The following CELF2 variants were observed in gnomAD, a reference collection of about 807,000 sequenced individuals.
CELF2 encodes the protein CUG triplet repeat RNA-binding protein 2.
In CELF2, 8 loss-of-function variants were observed where a neutral mutation model predicts 62.6. The ratio of observed to expected loss-of-function variants is 0.13; its 90% CI spans 0.07 to 0.23. The LOEUF is 0.23. Ranked by LOEUF, CELF2 falls within the 10% of genes least tolerant of loss-of-function variation. The probability of loss-of-function intolerance (pLI) is 1.00; values close to 1 mark genes in which losing one functional copy is unlikely to be tolerated. For missense variants in CELF2, 333 were observed against 671.0 expected (o/e 0.50, Z 5.56); for synonymous variants, 258 against 250.0 (o/e 1.03, Z -0.30).
intron 2 of CELF2, among the ~76,000 whole-genome samples, chr10:11,195,069 C>T (rs6602481): frequency 0.65 from 98,313 of 152,064 alleles, 32,548 homozygotes; most frequent in Non-Finnish European, 0.7. Context: ...GAAGGAGCTT[C>T]TGAATGCCCT....
chr10:11,245,386 T>C (rs776423950), intron 3 of CELF2, among the ~76,000 whole-genome samples: 1 of 152,234 alleles, frequency 6.6e-6, no homozygotes, highest in African/African-American at 2.4e-5. Flanking sequence ...CCATTATTAA[T>C]ACAGTCCTGA....
chr10:10,464,967 T>G, the CELF2 span, among the ~76,000 whole-genome samples: 1 of 152,172 alleles, frequency 6.6e-6, no homozygotes, highest in South Asian at 2.1e-4. Context: ...AGAGAAAAAT[T>G]TCTTAACAAT....
the CELF2 span, among the ~76,000 whole-genome samples, chr10:10,704,148 A>G: frequency 6.6e-6 from 1 of 152,194 alleles, no homozygotes. Context: ...CTTGAGTCCT[A>G]GAGTGAGATT....
At chr10:10,823,238 A>C (rs553812459) in intron 1 of CELF2, among the ~76,000 whole-genome samples, 1 of 152,372 alleles carries the variant, frequency 6.6e-6, no homozygotes, top group South Asian at 2.1e-4. Context: ...TATAAATATA[A>C]ATTCATAGTG....
intron 2 of CELF2, among the ~76,000 whole-genome samples, chr10:10,977,416 A>G (rs1299205982): frequency 6.6e-6 from 1 of 152,226 alleles, no homozygotes; most frequent in Non-Finnish European, 1.5e-5. Context: ...CATTGTTGAC[A>G]TCTGGCAGGT....
the CELF2 span, among the ~76,000 whole-genome samples, chr10:10,556,214 G>GAT: frequency 6.6e-6 from 1 of 151,816 alleles, no homozygotes; most frequent in Admixed American, 6.6e-5. Flanking sequence ...CCCAGAGTGT[G>GAT]ATATTCCGCT....
the CELF2 span, among the ~76,000 whole-genome samples, chr10:10,480,895 A>G: frequency 1.3e-5 from 2 of 152,304 alleles, no homozygotes; most frequent in South Asian, 2.1e-4. Context: ...ACACTGCAGT[A>G]TCATTCACAT....
intron 1 of CELF2, among the ~76,000 whole-genome samples, chr10:11,133,580 A>G (rs774983656): frequency 1.3e-5 from 2 of 152,314 alleles, no homozygotes; most frequent in Admixed American, 6.5e-5. Flanking sequence ...ACAAACATCA[A>G]TACTTAAAAA....
Position 11,285,080 on chromosome 10 carries a change from TGATG to T in CELF2, c.842-3324_842-3321del, listed in dbSNP as rs1031290005. On this transcript the variant is annotated intron_variant, in intron 8 of 12. Coordinates refer to ENST00000633077, the MANE Select transcript of CELF2 (RefSeq NM_001326342.2). This position sits in a 1 kb window ranked among gnomAD's most constrained non-coding sequence, Gnocchi z 4.3. ...TGGATAGTTGGGTGGTTACGCGGAA[TGATG>T]GATGGATGGATGGGTGGGTGGGTGG... Among the ~76,000 whole-genome samples, 46 of 141,294 alleles carry T rather than the reference TGATG, an allele frequency of 3.3e-4. No individual in the cohort carries two copies. Among genetic ancestry groups the T allele is most frequent in the East Asian group, 2.6e-3 (12 of 4,596 alleles). 92.7% of individuals were successfully genotyped at this position (141,294 alleles called of 152,430 possible). A position where few individuals can be genotyped will look rare whatever the true frequency, so the allele number is the denominator to read the frequency against.
At chr10:11,151,132 C>T (rs993518969) in intron 1 of CELF2, among the ~76,000 whole-genome samples, 16 of 152,330 alleles carry the variant, frequency 1.1e-4, no homozygotes, top group African/African-American at 3.6e-4. Flanking sequence ...TGTTTCCCCA[C>T]CCAGTTTTTA....
At chr10:11,295,309 C>T (rs1487523671) in intron 9 of CELF2, among the ~76,000 whole-genome samples, 1 of 152,186 alleles carries the variant, frequency 6.6e-6, no homozygotes, top group South Asian at 2.1e-4. Context: ...ATGAAGATTC[C>T]TACCTGCATG....
chr10:10,805,745 TAG>T (rs1322975574), intron 1 of CELF2, among the ~76,000 whole-genome samples: 3 of 152,290 alleles, frequency 2.0e-5, no homozygotes, highest in Admixed American at 6.5e-5. Context: ...AGTTTGATCA[TAG>T]AGAGAGTCTT....
the CELF2 span, among the ~76,000 whole-genome samples, chr10:10,500,520 A>ACTGGTTCTC: frequency 2.6e-5 from 4 of 152,130 alleles, no homozygotes; most frequent in Non-Finnish European, 5.9e-5. Context: ...ATAAAGCACA[A>ACTGGTTCTC]ATTCTCTCTT....
At chr10:10,968,171 G>A (rs2050348138) in intron 2 of CELF2, among the ~76,000 whole-genome samples, 1 of 152,080 alleles carries the variant, frequency 6.6e-6, no homozygotes, top group Non-Finnish European at 1.5e-5. Flanking sequence ...GGGAGGGCTG[G>A]GAAAGAGCCC....
At chr10:10,530,510 A>G in the CELF2 span, among the ~76,000 whole-genome samples, 510 of 152,326 alleles carry the variant, frequency 3.3e-3, 2 homozygotes, top group Middle Eastern at 0.017. Context: ...TTCTGGGAAC[A>G]CAGCCCAGCA....
At position 11,275,081 on chromosome 10, in the gene CELF2, A is replaced by G. The variant is rs772905609; in HGVS notation, c.802A>G (p.Ser268Gly). Residue 268 changes from serine (S) to glycine (G), a missense_variant, in exon 8 of 13, where the codon AGC (serine) becomes GGC (glycine). By Grantham distance (56) the Ser-to-Gly change is moderately conservative. This residue lies in a region of CELF2 where 253 missense variants were observed against 503.0 expected (regional missense o/e 0.50). Transcript: ENST00000633077. Reference protein sequence around the residue: ...LALLQQATSSSNLGAFSGIQQ... With the variant: ...LALLQQATSSGNLGAFSGIQQ... ...GCTCCTGCAGCAGGCCACCTCCTCC[A>G]GCAACCTGGGTGCGTTCAGCGGCAT... The G allele has an allele frequency of 3.7e-6, 6 of 1,614,096 alleles. No homozygotes were observed. Among genetic ancestry groups the G allele is most frequent in the East Asian group, 2.2e-5 (1 of 44,898 alleles).
At chr10:11,045,271 T>C (rs148933408) in intron 1 of CELF2, among the ~76,000 whole-genome samples, 1 of 152,248 alleles carries the variant, frequency 6.6e-6, no homozygotes, top group Non-Finnish European at 1.5e-5. Context: ...GGTTAGTTTT[T>C]TATGTTTTTC....
rs1208318299 is a variant in CELF2, at chr10:11,217,058, A to G, written c.272-367A>G. On this transcript the variant is annotated intron_variant, in intron 2 of 12. Coordinates refer to ENST00000633077, the MANE Select transcript of CELF2 (RefSeq NM_001326342.2). The surrounding 1 kb of genome is among the most constrained non-coding windows in gnomAD (Gnocchi z 5.6). Reference sequence around the variant, plus strand: ...ATACACTTTAAGAAAATTATAATTAATGTAAGCTTGTGCTGTTGTTATTGT... The same window carrying G: ...ATACACTTTAAGAAAATTATAATTAGTGTAAGCTTGTGCTGTTGTTATTGT... Among the ~76,000 whole-genome samples, 2 of 152,212 alleles carry G rather than the reference A, an allele frequency of 1.3e-5. No homozygotes were observed. Among genetic ancestry groups the G allele is most frequent in the Non-Finnish European group, 1.5e-5 (1 of 68,036 alleles).
chr10:11,095,882 T>G (rs986652605), intron 1 of CELF2, among the ~76,000 whole-genome samples: 1 of 152,158 alleles, frequency 6.6e-6, no homozygotes, highest in African/African-American at 2.4e-5. Flanking sequence ...GATGCATTTA[T>G]TTTAGCTGAT....
Sources: allele counts gnomAD v4.1 joint callset (sites outside exome capture counted in the v4.1 genomes callset), GRCh38; gene constraint gnomAD v4.1.1; regional missense constraint gnomAD v4.1.1; non-coding constraint Gnocchi (gnomAD v3.1); transcripts MANE v1.5; gene names NCBI Gene and HGNC (gene_info 2026-07-23, HGNC 2026-07-21).